Variants in SH3D19 observed in about 807,000 individuals in gnomAD.
SH3D19 encodes SH3 domain-containing protein 19.
Under a neutral mutation model 112.1 loss-of-function variants are expected in SH3D19, and 58 were observed. The observed-to-expected ratio is 0.52, with a 90% CI of 0.42 to 0.64. The LOEUF (loss-of-function observed/expected upper bound fraction) is 0.64. Among genes scored for constraint, SH3D19 ranks in the 30% least tolerant of loss-of-function variants. The probability of loss-of-function intolerance (pLI) is 0.00; values close to 1 mark genes in which losing one functional copy is unlikely to be tolerated. For synonymous variants in SH3D19, 391 were observed against 448.5 expected (o/e 0.87, Z 1.62); for missense variants, 1,090 against 1,263.4 (o/e 0.86, Z 2.08).
At chr4:151,324,445 G>C (rs942647997) in intron 1 of SH3D19, among the ~76,000 whole-genome samples, 1 of 151,966 alleles carries the variant, frequency 6.6e-6, no homozygotes, top group South Asian at 2.1e-4. Context: ...CTTCCCTCTT[G>C]TTTTCAGATA....
chr4:151,235,738 A>C (rs1025773255), intron 1 of SH3D19, among the ~76,000 whole-genome samples: 2 of 152,182 alleles, frequency 1.3e-5, no homozygotes, highest in South Asian at 4.1e-4. Flanking sequence ...GTGAGCTGAG[A>C]TTGCGCCACT....
intron 9 of SH3D19, among the ~76,000 whole-genome samples, chr4:151,156,189 A>G (rs1756076076): frequency 6.6e-6 from 1 of 152,228 alleles, no homozygotes; most frequent in African/African-American, 2.4e-5. Context: ...GATACAAACA[A>G]ACAGACATTC....
In SH3D19 at chr4:151,192,960, C is replaced by CT. The variant is rs879452146; in HGVS notation, c.153-5498dup. ...TGTTGCCTTGTCCTTTCCAATTCTT[C>CT]TTTTTTTTTTTTTTAATCACACATT... On this transcript the variant is annotated intron_variant, in intron 2 of 19. Transcript: ENST00000604030. Among the ~76,000 whole-genome samples the CT allele has an allele frequency of 5.9e-3, 848 of 142,916 alleles. 5 individuals are homozygous for CT. The highest frequency in any genetic ancestry group is 8.2e-3 in the African/African-American group (320 of 39,244). 93.8% of individuals were successfully genotyped at this position (142,916 alleles called of 152,430 possible).
chr4:151,282,245 C>T, intron 1 of SH3D19: 1 of 1,613,914 alleles, frequency 6.2e-7, no homozygotes, highest in East Asian at 2.2e-5. Context: ...AATCGTCATC[C>T]ATCCCAAGTA....
At chr4:151,198,559 A>C (rs914914539) in intron 2 of SH3D19, among the ~76,000 whole-genome samples, 3 of 150,894 alleles carry the variant, frequency 2.0e-5, no homozygotes, top group Non-Finnish European at 2.9e-5. Context: ...TAGGTTAGCT[A>C]AGCCTTCCTT....
chr4:151,236,309 G>C (rs532609100), intron 1 of SH3D19, among the ~76,000 whole-genome samples: 21 of 152,380 alleles, frequency 1.4e-4, no homozygotes, highest in Admixed American at 2.6e-4. Context: ...CGTGGGTTCC[G>C]CGGGCCCCGC....
rs557972919 is a variant in SH3D19, at chr4:151,179,390, C to T, written c.201G>A (p.Arg67=). The T allele has an allele frequency of 1.6e-6, 2 of 1,230,272 alleles. No homozygotes were observed. Among genetic ancestry groups the T allele is most frequent in the African/African-American group, 3.1e-5 (2 of 64,454 alleles). 76.2% of individuals were successfully genotyped at this position (1,230,272 alleles called of 1,614,324 possible). A position where few individuals can be genotyped will look rare whatever the true frequency, so the allele number is the denominator to read the frequency against. ...SIRAVIKRSS[R]TSIQSELHRD... ...GATGAAGTTCACTCTGAATAGAAGT[C>T]CGAGAAGCTGTTGAAGAAGGAATAA... Residue 67 remains arginine (R), a synonymous_variant, in exon 4 of 20, where the codon CGG becomes CGA. Coordinates refer to ENST00000604030, the MANE Select transcript of SH3D19 (RefSeq NM_001378122.1).
chr4:151,282,807 T>C (rs1023649743), intron 1 of SH3D19, among the ~76,000 whole-genome samples: 12 of 152,192 alleles, frequency 7.9e-5, no homozygotes, highest in Admixed American at 7.2e-4. Flanking sequence ...GCAAAAAACA[T>C]GGGAAAGGAA....
chr4:151,128,432 G>A, intron 17 of SH3D19, 76 bp from the exon 18 acceptor site: 1 of 1,300,144 alleles, frequency 7.7e-7, no homozygotes, highest in Non-Finnish European at 1.0e-6. Context: ...TTAAAAAGTA[G>A]TGGGGAAAAA....
At chr4:151,156,767 A>G (rs573688801) in intron 9 of SH3D19, among the ~76,000 whole-genome samples, 7 of 152,342 alleles carry the variant, frequency 4.6e-5, no homozygotes, top group African/African-American at 1.4e-4. Flanking sequence ...GATTTTATGA[A>G]TAACACCTCA....
At chr4:151,216,883 G>A (rs908571338) in intron 2 of SH3D19, among the ~76,000 whole-genome samples, 3 of 102,864 alleles carry the variant, frequency 2.9e-5, no homozygotes, top group Non-Finnish European at 5.5e-5. Flanking sequence ...AACACTGTGT[G>A]TGTGTGTGTG....
chr4:151,317,905 C>A (rs955791785), intron 1 of SH3D19, among the ~76,000 whole-genome samples: 1 of 151,862 alleles, frequency 6.6e-6, no homozygotes, highest in African/African-American at 2.4e-5. Flanking sequence ...GCAGGAGAAT[C>A]GCTTGAACCT....
intron 12 of SH3D19, among the ~76,000 whole-genome samples, chr4:151,141,453 A>G (rs888048695): frequency 1.3e-5 from 2 of 152,112 alleles, no homozygotes; most frequent in African/African-American, 4.8e-5. Context: ...ATTATTCAGC[A>G]TGGACAACAT....
chr4:151,191,407 C>T lies in SH3D19; in HGVS notation c.153-3944G>A, dbSNP rs144218080. Among the ~76,000 whole-genome samples, 1,023 of 152,172 alleles carry T rather than the reference C, an allele frequency of 6.7e-3. 7 individuals carry two copies. The highest frequency in any genetic ancestry group is 0.01 in the Non-Finnish European group (698 of 68,020). On this transcript the variant is annotated intron_variant, in intron 2 of 19. Coordinates refer to ENST00000604030, the MANE Select transcript of SH3D19 (RefSeq NM_001378122.1). ...GTGAAATGACATGGTTTGGCTGTGT[C>T]CCCACCCAAATCTCATCTTGAATTT...
At chr4:151,160,801 G>C (rs1174833403) in intron 8 of SH3D19, among the ~76,000 whole-genome samples, 1 of 152,042 alleles carries the variant, frequency 6.6e-6, no homozygotes, top group South Asian at 2.1e-4. Context: ...TTCTCAAAGG[G>C]AGGAAAATAC....
intron 13 of SH3D19, among the ~76,000 whole-genome samples, chr4:151,139,256 C>G (rs1473744325): frequency 6.6e-6 from 1 of 151,864 alleles, no homozygotes; most frequent in Non-Finnish European, 1.5e-5. Context: ...CGGGTTCACG[C>G]CATTCTCCTG....
chr4:151,213,668 A>ATTTT (rs377475036), intron 2 of SH3D19, among the ~76,000 whole-genome samples: 1 of 149,856 alleles, frequency 6.7e-6, no homozygotes, highest in Non-Finnish European at 1.5e-5. Context: ...AATAATATGA[A>ATTTT]TTAATTAATT....
intron 8 of SH3D19, among the ~76,000 whole-genome samples, chr4:151,160,819 A>G (rs944161133): frequency 3.3e-5 from 5 of 152,132 alleles, no homozygotes; most frequent in Admixed American, 1.3e-4. Flanking sequence ...TACCCAGGCC[A>G]GCAACTAGGA....
At chr4:151,267,222 C>T (rs1772867167) in intron 1 of SH3D19, among the ~76,000 whole-genome samples, 1 of 151,540 alleles carries the variant, frequency 6.6e-6, no homozygotes, top group Non-Finnish European at 1.5e-5. Flanking sequence ...GTAGTCCCAG[C>T]TACTCATGAG....
Sources: allele counts gnomAD v4.1 joint callset (sites outside exome capture counted in the v4.1 genomes callset), GRCh38; gene constraint gnomAD v4.1.1; transcripts MANE v1.5; gene names NCBI Gene and HGNC (gene_info 2026-07-23, HGNC 2026-07-21).